Variants in BCO2 observed in about 807,000 individuals in gnomAD.
BCO2 encodes beta-carotene oxygenase 2, also known as carotenoid-cleaving dioxygenase, mitochondrial.
Under a neutral mutation model 65.8 loss-of-function variants are expected in BCO2, and 56 were observed. The ratio of observed to expected loss-of-function variants is 0.85; its 90% confidence interval spans 0.69 to 1.06. The LOEUF is 1.06. Among genes scored for constraint, BCO2 ranks in the 50% least tolerant of loss-of-function variants. The probability of loss-of-function intolerance (pLI) is 0.00; values close to 1 mark genes in which losing one functional copy is unlikely to be tolerated. For missense variants in BCO2, 675 were observed against 698.5 expected (o/e 0.97, Z 0.38); for synonymous variants, 233 against 242.3 (o/e 0.96, Z 0.36).
chr11:112,209,597 T>G (rs1859450034), intron 8 of BCO2, among the ~76,000 whole-genome samples: 1 of 152,250 alleles, frequency 6.6e-6, no homozygotes. Context: ...GAGTTCCCTT[T>G]TACTCCTAGT....
At position 112,200,870 on chromosome 11, in the gene BCO2, G is replaced by A. The variant is rs925013256; in HGVS notation, c.1026+97G>A. 2.3e-6 allele frequency: 3 copies of A among 1,321,136 alleles called. No homozygotes were observed. In the Admixed American group the frequency reaches 6.3e-5, roughly 28 times the overall value. 81.8% of individuals were successfully genotyped at this position (1,321,136 alleles called of 1,614,324 possible). ...TTAAAAATCTTCCCTGGTTAAAAGT[G>A]CATAAGACACTTTTAATCAAGGATA... is the stretch of plus-strand genomic sequence containing the variant. On this transcript the variant is annotated intron_variant, in intron 7 of 11. Coordinates refer to ENST00000357685, the MANE Select transcript of BCO2 (RefSeq NM_031938.7).
At chr11:112,194,566 T>A in intron 4 of BCO2, 87 bp from the exon 5 acceptor site, 2 of 821,696 alleles carry the variant, frequency 2.4e-6, no homozygotes, top group South Asian at 3.2e-5. Context: ...TCTTATCATA[T>A]TTTTAAAAAC....
intron 2 of BCO2, chr11:112,181,059 G>C: frequency 6.8e-7 from 1 of 1,479,620 alleles, no homozygotes; most frequent in Non-Finnish European, 9.4e-7. Flanking sequence ...TTAAATGTTG[G>C]AGGGCGGTAC....
In BCO2 at chr11:112,214,761, G is replaced by C. The variant is rs1299833462; in HGVS notation, c.1333-1G>C. 6.2e-7 allele frequency: 1 copy of C among 1,611,706 alleles called. No individual in the cohort carries two copies. Among genetic ancestry groups the C allele is most frequent in the Non-Finnish European group, 8.5e-7 (1 of 1,178,098 alleles). On this transcript the variant is annotated splice_acceptor_variant, in intron 9 of 11. Transcript: ENST00000357685. LOFTEE classifies it high-confidence loss of function. ...ACAAATCCTTTTGAAATCTCTTTTA[G>C]ATCTGGTGCTCTCATGAAAATCTAC...
At chr11:112,216,882 A>T (rs1051365480) in intron 11 of BCO2, among the ~76,000 whole-genome samples, 1 of 152,210 alleles carries the variant, frequency 6.6e-6, no homozygotes, top group Non-Finnish European at 1.5e-5. Context: ...ATTAATTATT[A>T]GTGGCTGCCT....
At chr11:112,209,704 G>T (rs183966609) in intron 8 of BCO2, among the ~76,000 whole-genome samples, 1 of 152,082 alleles carries the variant, frequency 6.6e-6, no homozygotes, top group African/African-American at 2.4e-5. Context: ...CCTTTATTCT[G>T]TGAACATGGT....
chr11:112,183,182 T>G (rs532109408), intron 2 of BCO2: 1 of 977,406 alleles, frequency 1.0e-6, no homozygotes, highest in South Asian at 1.3e-5. Flanking sequence ...TGTCACAAAG[T>G]GTCAGATGAG....
chr11:112,207,111 G>A (rs1859364994), intron 8 of BCO2, among the ~76,000 whole-genome samples: 1 of 152,150 alleles, frequency 6.6e-6, no homozygotes, highest in Admixed American at 6.5e-5. Context: ...GCACAGTCAT[G>A]TTACCTGAAA....
In BCO2 at chr11:112,218,897, T is replaced by C. The variant is rs1348907377; in HGVS notation, c.*1023T>C. The C allele has an allele frequency of 6.6e-6, 1 of 152,232 alleles. No homozygotes were observed. Among genetic ancestry groups the C allele is most frequent in the Non-Finnish European group, 1.5e-5 (1 of 68,050 alleles). The allele number at this position is 152,232 out of a possible 1,614,324, so 9.4% of individuals were successfully genotyped here. ...ATTTCATTTATTGGATATATCTTCC[T>C]CTAGGTAATAATAAGAATACACGAA... On this transcript the variant is annotated 3_prime_UTR_variant, in exon 12 of 12. Coordinates refer to ENST00000357685, the MANE Select transcript of BCO2 (RefSeq NM_031938.7).
chr11:112,216,211 G>A lies in BCO2; in HGVS notation c.1516-9G>A. The A allele has an allele frequency of 6.2e-7, 1 of 1,605,726 alleles. No individual in the cohort carries two copies. The highest frequency in any genetic ancestry group is 8.5e-7 in the Non-Finnish European group (1 of 1,172,600). On this transcript the variant is annotated splice_polypyrimidine_tract_variant and intron_variant, in intron 10 of 11. Transcript: ENST00000357685. ...GCCTTTTATCAAATGCTTTTTTTGG[G>A]ACTTGCAGGTTTGGAGAGAAGATGG... is the stretch of plus-strand genomic sequence containing the variant.
rs201893014 is a variant in BCO2 at position 112,200,742 on chromosome 11, G to C, written c.995G>C (p.Arg332Pro). ...AGCTGGGAACCCCAGTGTAATACGC[G>C]GTTTCATGTGGTGGAAAAACGCACT... is the stretch of plus-strand genomic sequence containing the variant. Reference protein sequence around the residue: ...GISWEPQCNTRFHVVEKRTGQ... With the variant: ...GISWEPQCNTPFHVVEKRTGQ... Residue 332 changes from arginine to proline, a missense_variant, in exon 7 of 12, where the codon CGG becomes CCG. Arg to Pro is a moderately radical substitution (Grantham distance 103, BLOSUM62 -2). Coordinates refer to ENST00000357685, the MANE Select transcript of BCO2 (RefSeq NM_031938.7). 1.5e-5 allele frequency: 25 copies of C among 1,613,630 alleles called. No individual in the cohort carries two copies. Among genetic ancestry groups the C allele is most frequent in the Non-Finnish European group, 2.1e-5 (25 of 1,179,870 alleles).
At chr11:112,203,947 G>A (rs1195417213) in intron 8 of BCO2, among the ~76,000 whole-genome samples, 2 of 151,768 alleles carry the variant, frequency 1.3e-5, no homozygotes, top group Admixed American at 6.6e-5. Context: ...CTCTGCTCCC[G>A]GGTTCAAGTG....
In BCO2 at chr11:112,193,345, T is replaced by C. The variant is rs116832775; in HGVS notation, c.294-129T>C. On this transcript the variant is annotated intron_variant, in intron 2 of 11. Transcript: ENST00000357685. Reference sequence around the variant, plus strand: ...CTCCCACAATTTCAAGTTCTCTGACTAATCAGGTTGTGCTGGGAACCTGTC... The same window carrying C: ...CTCCCACAATTTCAAGTTCTCTGACCAATCAGGTTGTGCTGGGAACCTGTC... 648 of 851,086 alleles carry C rather than the reference T, an allele frequency of 7.6e-4. 1 individual carries two copies. The African/African-American group carries it at 8.8e-3, about 12-fold the overall frequency. The allele number at this position is 851,086 out of a possible 1,614,324, so 52.7% of individuals were successfully genotyped here.
rs1348941465 is a variant in BCO2, at chr11:112,202,203, A to G, written c.1194+13A>G. On this transcript the variant is annotated intron_variant, in intron 8 of 11. Coordinates refer to ENST00000357685, the MANE Select transcript of BCO2 (RefSeq NM_031938.7). ...AGGGCTTGATCAGGTAAACATTAGA[A>G]TTTGTCAAGAGTCATCAAAATAATT... The G allele has an allele frequency of 1.3e-6, 2 of 1,595,768 alleles. No individual in the cohort carries two copies. The highest frequency in any genetic ancestry group is 2.7e-5 in the African/African-American group (2 of 73,628).
intron 10 of BCO2, 53 bp downstream of exon 10, chr11:112,214,997 T>A: frequency 6.5e-7 from 1 of 1,536,998 alleles, no homozygotes. Flanking sequence ...TTCTTCCCTT[T>A]GAATTAGTTT....
chr11:112,206,426 G>T (rs1859341991), intron 8 of BCO2, among the ~76,000 whole-genome samples: 1 of 152,170 alleles, frequency 6.6e-6, no homozygotes, highest in South Asian at 2.1e-4. Context: ...TTTTTAATTG[G>T]GTTATTTGTT....
chr11:112,213,972 C>T (rs1859585992), intron 9 of BCO2, 111 bp downstream of exon 9: 1 of 924,466 alleles, frequency 1.1e-6, no homozygotes, highest in East Asian at 2.6e-5. Flanking sequence ...AACATTCATC[C>T]GAGCAGGTTA....
At chr11:112,190,102 A>G (rs1867329589) in intron 2 of BCO2, among the ~76,000 whole-genome samples, 1 of 152,008 alleles carries the variant, frequency 6.6e-6, no homozygotes, top group Non-Finnish European at 1.5e-5. Flanking sequence ...CCTGGGCAAC[A>G]TAGTGAGACT....
Position 112,200,606 on chromosome 11 carries a change from CT to C in BCO2, c.866-3del. 1.9e-6 allele frequency: 3 copies of C among 1,594,664 alleles called. No individual in the cohort carries two copies. The highest frequency in any genetic ancestry group is 2.6e-6 in the Non-Finnish European group (3 of 1,173,800). The stretch of plus-strand genomic sequence containing the variant: ...TAACATTTTTATTGTTTGCTGGAAC[CT>C]TTTAGGAATGACAAGGAACTATATA... On this transcript the variant is annotated splice_region_variant and splice_polypyrimidine_tract_variant and intron_variant, in intron 6 of 11. Coordinates refer to ENST00000357685, the MANE Select transcript of BCO2 (RefSeq NM_031938.7).
Sources: gnomAD v4.1 joint callset for allele counts (sites outside exome capture counted in the v4.1 genomes callset) on GRCh38, gnomAD v4.1.1 for gene constraint, MANE v1.5 for transcripts, NCBI Gene and HGNC (gene_info 2026-07-23, HGNC 2026-07-21) for gene names.